C1orf94: variants seen among roughly 807,000 people sequenced by gnomAD.
The protein encoded by C1orf94 is chromosome 1 open reading frame 94.
In C1orf94, 45 loss-of-function variants were observed where a neutral mutation model predicts 53.6. The observed-to-expected ratio is 0.84, with a 90% CI of 0.66 to 1.08. C1orf94 has a LOEUF of 1.08. Among genes scored for constraint, C1orf94 ranks in the 50% least tolerant of loss-of-function variants. The pLI, the probability that C1orf94 is intolerant of heterozygous loss-of-function variation, is 0.00. For synonymous variants in C1orf94, 304 were observed against 296.1 expected (o/e 1.03, Z -0.27); for missense variants, 762 against 738.9 (o/e 1.03, Z -0.36).
chr1:34,180,605 C>G (rs1234243638), intron 1 of C1orf94, among the ~76,000 whole-genome samples: 1 of 152,236 alleles, frequency 6.6e-6, no homozygotes, highest in Non-Finnish European at 1.5e-5. Context: ...ATAATGTCGG[C>G]TGTCCTGTCT....
At position 34,200,932 on chromosome 1, in the gene C1orf94, C is replaced by T. The variant is rs375613990; in HGVS notation, c.1170C>T (p.Ala390=). The change falls in exon 3 of 7, where the codon GCC becomes GCT. Residue 390 remains alanine (A), a synonymous_variant. Transcript: ENST00000488417. ...CGCCCAAGAAACCTACATGTCCAGC[C>T]GAGAAGAACTTGCTCTATGAGTTCC... The part of the protein sequence containing the change: ...TLPPKKPTCP[A]EKNLLYEFLG... 5.1e-5 allele frequency: 82 copies of T among 1,613,946 alleles called. 1 individual carries two copies. Among genetic ancestry groups the T allele is most frequent in the Non-Finnish European group, 6.4e-5 (76 of 1,180,026 alleles).
intron 1 of C1orf94, among the ~76,000 whole-genome samples, chr1:34,194,765 A>T (rs1157093702): frequency 6.6e-6 from 1 of 152,172 alleles, no homozygotes; most frequent in Non-Finnish European, 1.5e-5. Context: ...GTTAGGCATA[A>T]CCACAATACC....
chr1:34,197,485 T>G lies in C1orf94; in HGVS notation c.581T>G (p.Ile194Ser), dbSNP rs749221154. Residue 194 changes from isoleucine to serine, a missense_variant, in exon 2 of 7, where the codon ATC becomes AGC. Ile to Ser is a moderately radical substitution (Grantham distance 142). Coordinates refer to ENST00000488417, the MANE Select transcript of C1orf94 (RefSeq NM_001134734.2). The surrounding 1 kb of genome is among the most constrained non-coding windows in gnomAD (Gnocchi z 4.1). Reference sequence around the variant, plus strand: ...AAGCAGAAGGTGGCCATGCCCGTTATCAGCAGCAGGCAGGACTGTGATTCT... The same window carrying G: ...AAGCAGAAGGTGGCCATGCCCGTTAGCAGCAGCAGGCAGGACTGTGATTCT... Reference protein sequence around the residue: ...LLKQKVAMPVISSRQDCDSAT... With the variant: ...LLKQKVAMPVSSSRQDCDSAT... 1 of 1,614,130 alleles carries G rather than the reference T, an allele frequency of 6.2e-7. No homozygotes were observed.
At chr1:34,202,345 CAG>C in intron 4 of C1orf94, 86 bp downstream of exon 4, 3 of 1,457,788 alleles carry the variant, frequency 2.1e-6, no homozygotes, top group Admixed American at 3.8e-5. Flanking sequence ...GTCTATTTCA[CAG>C]AGTCTTTAGA....
intron 1 of C1orf94, among the ~76,000 whole-genome samples, chr1:34,196,361 AG>A: frequency 6.6e-6 from 1 of 152,320 alleles, no homozygotes; most frequent in South Asian, 2.1e-4. Flanking sequence ...ATTTAGGTTC[AG>A]GAAGATCCTG....
intron 1 of C1orf94, among the ~76,000 whole-genome samples, chr1:34,169,827 T>A (rs1642117078): frequency 6.6e-6 from 1 of 152,164 alleles, no homozygotes; most frequent in Admixed American, 6.5e-5. Context: ...GCTATCACCA[T>A]AGAGGTGGCA....
chr1:34,207,287 G>GTGTGTT (rs1231596132), intron 4 of C1orf94, among the ~76,000 whole-genome samples: 1 of 151,952 alleles, frequency 6.6e-6, no homozygotes, highest in African/African-American at 2.4e-5. Context: ...GTGTGTGTGT[G>GTGTGTT]TGTGTGTGTG....
upstream of C1orf94, among the ~76,000 whole-genome samples, chr1:34,176,575 G>T (rs1557475186): frequency 6.6e-6 from 1 of 152,164 alleles, no homozygotes; most frequent in Non-Finnish European, 1.5e-5. Context: ...TTCTCAGGGG[G>T]CCTTGGACGC....
Position 34,177,430 on chromosome 1 carries a change from G to A in C1orf94, c.-360G>A, listed in dbSNP as rs1226539008. ...AGTTGTCACGGCGGCGTCGCAAGGG[G>A]GCAGTGCCAGGGACTGTGGGGAGAG... On this transcript the variant is annotated 5_prime_UTR_variant, in exon 1 of 7. Coordinates refer to ENST00000488417, the MANE Select transcript of C1orf94 (RefSeq NM_001134734.2). 6.6e-6 allele frequency among the ~76,000 whole-genome samples: 1 copy of A among 152,208 alleles called. No homozygotes were observed. The highest frequency in any genetic ancestry group is 1.5e-5 in the Non-Finnish European group (1 of 68,032).
chr1:34,171,118 C>T (rs908392416), intron 1 of C1orf94, among the ~76,000 whole-genome samples: 1 of 152,172 alleles, frequency 6.6e-6, no homozygotes, highest in African/African-American at 2.4e-5. Flanking sequence ...TCCAAGCTCC[C>T]TGCTAGACCC....
At chr1:34,180,128 T>C (rs1320466416) in intron 1 of C1orf94, among the ~76,000 whole-genome samples, 1 of 152,242 alleles carries the variant, frequency 6.6e-6, no homozygotes, top group African/African-American at 2.4e-5. Flanking sequence ...CTTTAATTTA[T>C]CTAAACTTTG....
upstream of C1orf94, among the ~76,000 whole-genome samples, chr1:34,174,907 G>C (rs1389120887): frequency 6.6e-6 from 1 of 152,154 alleles, no homozygotes; most frequent in African/African-American, 2.4e-5. Flanking sequence ...TTAATGATAA[G>C]AAATGTTCTC....
At chr1:34,216,430 G>A (rs544726944) in intron 6 of C1orf94, among the ~76,000 whole-genome samples, 2 of 152,274 alleles carry the variant, frequency 1.3e-5, no homozygotes, top group South Asian at 4.1e-4. Flanking sequence ...AAAGTGGAGT[G>A]CAGGAAGCCA....
intron 4 of C1orf94, among the ~76,000 whole-genome samples, chr1:34,206,634 G>A (rs766321051): frequency 2.2e-4 from 34 of 152,218 alleles, no homozygotes; most frequent in Admixed American, 5.9e-4. Flanking sequence ...CAGAGGAGGC[G>A]GCGAAACAGA....
At chr1:34,206,822 TA>T (rs1316975755) in intron 4 of C1orf94, among the ~76,000 whole-genome samples, 1 of 150,864 alleles carries the variant, frequency 6.6e-6, no homozygotes, top group Non-Finnish European at 1.5e-5. Context: ...GAGCTTGGAG[TA>T]AAGGGGAGCA....
chr1:34,188,805 C>T (rs928091083), intron 1 of C1orf94, among the ~76,000 whole-genome samples: 3 of 152,182 alleles, frequency 2.0e-5, no homozygotes, highest in African/African-American at 7.2e-5. Context: ...AGGAAAGTCC[C>T]AGGAGACAGA....
chr1:34,188,719 C>T (rs373770199), intron 1 of C1orf94, among the ~76,000 whole-genome samples: 66 of 152,216 alleles, frequency 4.3e-4, no homozygotes, highest in African/African-American at 1.4e-3. Flanking sequence ...CACTGCGGCC[C>T]GGAGGGTGGA....
intron 1 of C1orf94, among the ~76,000 whole-genome samples, chr1:34,182,324 AG>A (rs1241650077): frequency 6.6e-6 from 1 of 152,216 alleles, no homozygotes; most frequent in Non-Finnish European, 1.5e-5. Context: ...AGAGACAGGC[AG>A]GCAAGGCCTC....
chr1:34,210,922 G>A lies in C1orf94; in HGVS notation c.1525-1288G>A, dbSNP rs377009600. 4.7e-4 allele frequency among the ~76,000 whole-genome samples: 72 copies of A among 152,128 alleles called. 1 individual carries two copies. The highest frequency in any genetic ancestry group is 3.4e-3 in the Middle Eastern group (1 of 294). On this transcript the variant is annotated intron_variant, in intron 5 of 6. Transcript: ENST00000488417. ...CCCACCTCGTCCTCCCAAAGTGCTC[G>A]GTTACAGGCGTGAGCCAACGCACCC...
Sources: gnomAD v4.1 joint callset for allele counts (sites outside exome capture counted in the v4.1 genomes callset) on GRCh38, gnomAD v4.1.1 for gene constraint, Gnocchi (gnomAD v3.1) non-coding constraint, MANE v1.5 for transcripts, NCBI Gene and HGNC (gene_info 2026-07-23, HGNC 2026-07-21) for gene names.